The following PDE5A variants were observed in gnomAD, a reference collection of about 807,000 sequenced individuals.
PDE5A encodes the protein cGMP-specific 3',5'-cyclic phosphodiesterase.
In PDE5A, 67 loss-of-function variants were observed where a neutral mutation model predicts 110.2. The observed-to-expected ratio is 0.61, with a 90% confidence interval of 0.50 to 0.75. PDE5A has a LOEUF of 0.75. Ranked by LOEUF, PDE5A falls within the 30% of genes least tolerant of loss-of-function variation. PDE5A has a pLI of 0.00. For missense variants in PDE5A, 862 were observed against 1,045.1 expected, an observed-to-expected ratio of 0.82 and a Z score of 2.42; for synonymous variants, 328 against 351.2, an observed-to-expected ratio of 0.93 and a Z score of 0.74.
intron 14 of PDE5A, among the ~76,000 whole-genome samples, chr4:119,514,649 C>T (rs1371015019): frequency 6.6e-6 from 1 of 152,098 alleles, no homozygotes; most frequent in African/African-American, 2.4e-5. Flanking sequence ...TGTTCCACAG[C>T]TACTAGGTTC....
chr4:119,604,868 T>C (rs914871779), intron 2 of PDE5A, among the ~76,000 whole-genome samples: 3 of 152,132 alleles, frequency 2.0e-5, no homozygotes, highest in Non-Finnish European at 2.9e-5. Flanking sequence ...TTAAAAGTAA[T>C]GACAATTACT....
chr4:119,596,578 G>C lies in PDE5A; in HGVS notation c.776C>G (p.Thr259Arg). 2 of 1,601,600 alleles carry C rather than the reference G, an allele frequency of 1.2e-6. No homozygotes were observed. Among genetic ancestry groups the C allele is most frequent in the South Asian group, 1.1e-5 (1 of 88,360 alleles). The change falls in exon 3 of 21, where the codon ACA (threonine) becomes AGA (arginine). Residue 259 changes from threonine (T) to arginine (R), a missense_variant. Physicochemically the swap from Thr to Arg is moderately conservative, Grantham distance 71 (BLOSUM62 -1). Coordinates refer to ENST00000354960, the MANE Select transcript of PDE5A (RefSeq NM_001083.4). Reference protein sequence around the residue: ...PRFNAEVDQITGYKTQSILCM... With the variant: ...PRFNAEVDQIRGYKTQSILCM... ...AAGAATGCTTTGTGTCTTGTAGCCT[G>C]TAATTTGGTCAACTTCTGCATTGAA...
chr4:119,569,273 C>T (rs1728057406), intron 3 of PDE5A, among the ~76,000 whole-genome samples: 1 of 152,046 alleles, frequency 6.6e-6, no homozygotes, highest in African/African-American at 2.4e-5. Flanking sequence ...GCCCTGCACT[C>T]AAGCAATCCT....
rs1409236368 is a variant in PDE5A at position 119,628,786 on chromosome 4, A to C, written c.-115T>G. 3 of 1,463,998 alleles carry C rather than the reference A, an allele frequency of 2.0e-6. No homozygotes were observed. The highest frequency in any genetic ancestry group is 1.9e-6 in the Non-Finnish European group (2 of 1,080,246). The allele number at this position is 1,463,998 out of a possible 1,614,324, so 90.7% of individuals were successfully genotyped here. On this transcript the variant is annotated 5_prime_UTR_variant, in exon 1 of 21. Coordinates refer to ENST00000354960, the MANE Select transcript of PDE5A (RefSeq NM_001083.4). ...AGACCCTCCCCCTTCGTCCTGCTCC[A>C]GTCGGGCCGGCTTTCGACAAAGCGG...
chr4:119,510,940 G>A, intron 15 of PDE5A, 107 bp downstream of exon 15: 4 of 744,972 alleles, frequency 5.4e-6, no homozygotes, highest in Non-Finnish European at 8.9e-6. Flanking sequence ...AAGGAATAAA[G>A]TATGTGCAAG....
chr4:119,540,497 T>TC (rs11455919), intron 10 of PDE5A, among the ~76,000 whole-genome samples: 152,141 of 152,144 alleles, frequency 1, 76,069 homozygotes, highest in Middle Eastern at 1. Context: ...CAGTGGTGGT[T>TC]CCCAAGAAAA....
chr4:119,519,234 C>T, intron 13 of PDE5A, 95 bp from the exon 14 acceptor site: 1 of 840,656 alleles, frequency 1.2e-6, no homozygotes, highest in Non-Finnish European at 2.0e-6. Flanking sequence ...TTTTTCCCCT[C>T]AGTGCTTTAC....
Position 119,525,527 on chromosome 4 carries a change from A to G in PDE5A, c.1779+22T>C, listed in dbSNP as rs761879835. On this transcript the variant is annotated intron_variant, in intron 12 of 20. Coordinates refer to ENST00000354960, the MANE Select transcript of PDE5A (RefSeq NM_001083.4). The surrounding 1 kb of genome is among the most constrained non-coding windows in gnomAD (Gnocchi z 4.3). ...ACACACATACACATAGACTTTTCCA[A>G]AGGATGTTGCTGCATTCCTACCTCA... The G allele has an allele frequency of 4.3e-6, 7 of 1,609,254 alleles. No homozygotes were observed. The Admixed American group carries it at 1.0e-4, about 23-fold the overall frequency.
At chr4:119,501,594 C>CATTT (rs1725336301) in intron 19 of PDE5A, among the ~76,000 whole-genome samples, 1 of 152,112 alleles carries the variant, frequency 6.6e-6, no homozygotes, top group Non-Finnish European at 1.5e-5. Context: ...CCATTGTGTG[C>CATTT]ATTTATTTAA....
At chr4:119,610,299 A>T (rs968703559) in intron 1 of PDE5A, among the ~76,000 whole-genome samples, 2 of 152,240 alleles carry the variant, frequency 1.3e-5, no homozygotes, top group Non-Finnish European at 2.9e-5. Flanking sequence ...CCAACAGTGC[A>T]TAGGAAGCTT....
chr4:119,542,363 A>G lies in PDE5A; in HGVS notation c.1572+96T>C, dbSNP rs957681597. On this transcript the variant is annotated intron_variant, in intron 10 of 20. Transcript: ENST00000354960. ...ATCACATAATTTTGGTGAGGACACA[A>G]TGACGGAACACACACACACCATGAG... The G allele has an allele frequency of 7.9e-6, 9 of 1,135,704 alleles. 1 individual carries two copies. The highest frequency in any genetic ancestry group is 6.7e-5 in the South Asian group (4 of 59,970). 70.4% of individuals were successfully genotyped at this position (1,135,704 alleles called of 1,614,324 possible).
intron 7 of PDE5A, among the ~76,000 whole-genome samples, chr4:119,558,053 T>G (rs1321938069): frequency 6.6e-6 from 1 of 152,168 alleles, no homozygotes; most frequent in Admixed American, 6.5e-5. Flanking sequence ...AATATCTACT[T>G]CTTAAAGAGC....
intron 9 of PDE5A, among the ~76,000 whole-genome samples, chr4:119,545,865 C>T (rs999920705): frequency 2.6e-5 from 4 of 152,106 alleles, no homozygotes; most frequent in Admixed American, 6.6e-5. Flanking sequence ...AAATGTAAAA[C>T]GAACCTTTAT....
chr4:119,603,035 A>G (rs1729397066), intron 2 of PDE5A, among the ~76,000 whole-genome samples: 2 of 152,156 alleles, frequency 1.3e-5, no homozygotes, highest in Non-Finnish European at 2.9e-5. Flanking sequence ...AAGGTTTAAG[A>G]CTTCCTCAGG....
At chr4:119,578,089 TGC>T in intron 3 of PDE5A, among the ~76,000 whole-genome samples, 1 of 152,134 alleles carries the variant, frequency 6.6e-6, no homozygotes, top group Non-Finnish European at 1.5e-5. Context: ...CATTCACAAT[TGC>T]TTCAAAGAGA....
intron 1 of PDE5A, among the ~76,000 whole-genome samples, chr4:119,624,554 A>C (rs1308953811): frequency 6.6e-6 from 1 of 152,232 alleles, no homozygotes; most frequent in East Asian, 1.9e-4. Context: ...CCAAGCTGTC[A>C]TAAAAACTTG....
chr4:119,593,269 T>C (rs1025682882), intron 3 of PDE5A, among the ~76,000 whole-genome samples: 1 of 152,206 alleles, frequency 6.6e-6, no homozygotes, highest in South Asian at 2.1e-4. Context: ...CAAAGGTCTG[T>C]ATGCAAACAC....
At position 119,495,573 on chromosome 4, in the gene PDE5A, C is replaced by T. The variant is rs572634182; in HGVS notation, c.*3028G>A. ...ATTTGCTATGCTGAAAATAAAGGCA[C>T]TTCACTGCTAGGCAAGAATATATCT... On this transcript the variant is annotated 3_prime_UTR_variant, in exon 21 of 21. Coordinates refer to ENST00000354960, the MANE Select transcript of PDE5A (RefSeq NM_001083.4). The T allele has an allele frequency of 6.6e-6, 1 of 152,562 alleles. No homozygotes were observed. Among genetic ancestry groups the T allele is most frequent in the South Asian group, 2.1e-4 (1 of 4,836 alleles). 9.5% of individuals were successfully genotyped at this position (152,562 alleles called of 1,614,324 possible). A position where few individuals can be genotyped will look rare whatever the true frequency, so the allele number is the denominator to read the frequency against.
rs1726186853 is a variant in PDE5A at position 119,523,047 on chromosome 4, A to C, written c.1780-1987T>G. Among the ~76,000 whole-genome samples the C allele has an allele frequency of 2.0e-5, 3 of 152,100 alleles. 1 individual carries two copies. Among genetic ancestry groups the C allele is most frequent in the African/African-American group, 7.2e-5 (3 of 41,440 alleles). On this transcript the variant is annotated intron_variant, in intron 12 of 20. Transcript: ENST00000354960. ...AATTGCATATATAAAGGAAATAAGT[A>C]AATAAACATAAAATTGAGAGCAAGT...
Sources: gnomAD v4.1 joint callset for allele counts (sites outside exome capture counted in the v4.1 genomes callset) on GRCh38, gnomAD v4.1.1 for gene constraint, Gnocchi (gnomAD v3.1) non-coding constraint, MANE v1.5 for transcripts, NCBI Gene and HGNC (gene_info 2026-07-23, HGNC 2026-07-21) for gene names.